Variants in ST18 observed in about 807,000 individuals in gnomAD.
The protein encoded by ST18 is ST18 C2H2C-type zinc finger transcription factor.
ST18 carries 50 observed loss-of-function variants against 110.0 expected under a neutral mutation model. The observed-to-expected ratio is 0.45, with a 90% confidence interval of 0.36 to 0.58. The LOEUF (loss-of-function observed/expected upper bound fraction) is 0.58. Among genes scored for constraint, ST18 ranks in the 20% least tolerant of loss-of-function variants. ST18 has a pLI of 0.00. For missense variants in ST18, 1,306 were observed against 1,280.1 expected (o/e 1.02, Z -0.31); for synonymous variants, 461 against 452.4 (o/e 1.02, Z -0.24).
intron 2 of ST18, among the ~76,000 whole-genome samples, chr8:52,354,411 C>T (rs1821767079): frequency 6.6e-6 from 1 of 152,052 alleles, no homozygotes; most frequent in African/African-American, 2.4e-5. Context: ...AGACAATTTC[C>T]TGAATAACTG....
At chr8:52,146,889 T>A (rs900093112) in intron 16 of ST18, among the ~76,000 whole-genome samples, 1 of 152,220 alleles carries the variant, frequency 6.6e-6, no homozygotes, top group Non-Finnish European at 1.5e-5. Flanking sequence ...CAGCCTCAGC[T>A]TTCCCAACCA....
intron 8 of ST18, among the ~76,000 whole-genome samples, chr8:52,184,206 G>A (rs947194264): frequency 2.6e-5 from 4 of 152,236 alleles, no homozygotes; most frequent in South Asian, 2.1e-4. Flanking sequence ...GGAAATAAAT[G>A]AGCTCTATTA....
In ST18 at chr8:52,159,040, G is replaced by T; in HGVS notation, c.1664C>A (p.Pro555His). The T allele has an allele frequency of 6.2e-7, 1 of 1,614,196 alleles. No individual in the cohort carries two copies. Among genetic ancestry groups the T allele is most frequent in the Non-Finnish European group, 8.5e-7 (1 of 1,180,034 alleles). The change falls in exon 15 of 26, where the codon CCT (proline) becomes CAT (histidine). Residue 555 changes from proline to histidine, a missense_variant. Coordinates refer to ENST00000689386, the MANE Select transcript of ST18 (RefSeq NM_001352837.2). ...GTAGCTATAAGAGCTGGCACGGCCA[G>T]GGCTCTGGGTGTGGGCGCCTGCACT... The part of the protein sequence containing the change: ...LPSAGAHTQS[P>H]GRASSYSYGQ...
At chr8:52,319,530 C>T (rs1204133362) in intron 2 of ST18, among the ~76,000 whole-genome samples, 1 of 152,102 alleles carries the variant, frequency 6.6e-6, no homozygotes, top group Admixed American at 6.5e-5. Context: ...GAAATATCTT[C>T]CTTTATAGTT....
chr8:52,207,182 G>A (rs1042076692), intron 8 of ST18, among the ~76,000 whole-genome samples: 1 of 152,180 alleles, frequency 6.6e-6, no homozygotes, highest in Non-Finnish European at 1.5e-5. Flanking sequence ...CTCATGAAAT[G>A]TTATTGTTAA....
At chr8:52,205,049 G>A (rs2079455203) in intron 8 of ST18, among the ~76,000 whole-genome samples, 2 of 151,756 alleles carry the variant, frequency 1.3e-5, no homozygotes, top group African/African-American at 4.8e-5. Flanking sequence ...AGACAAGCTG[G>A]AGAGTACTCT....
chr8:52,186,397 A>G (rs1422935498), intron 8 of ST18, among the ~76,000 whole-genome samples: 3 of 152,192 alleles, frequency 2.0e-5, no homozygotes, highest in Non-Finnish European at 4.4e-5. Flanking sequence ...GATGGCTAAA[A>G]TGAAAAGACC....
intron 2 of ST18, among the ~76,000 whole-genome samples, chr8:52,395,829 G>A (rs1840921341): frequency 6.6e-6 from 1 of 152,170 alleles, no homozygotes; most frequent in Admixed American, 6.5e-5. Context: ...CAAACTTGGT[G>A]GGATAGGCCA....
chr8:52,163,947 G>T, intron 13 of ST18, 39 bp downstream of exon 13: 1 of 1,526,676 alleles, frequency 6.6e-7, no homozygotes, highest in Non-Finnish European at 9.1e-7. Flanking sequence ...CAGGAGCCTG[G>T]ATGAAGAGAG....
chr8:52,398,781 C>T (rs1236561733), intron 2 of ST18, among the ~76,000 whole-genome samples: 2 of 152,000 alleles, frequency 1.3e-5, no homozygotes, highest in East Asian at 3.8e-4. Flanking sequence ...ACATGCACGC[C>T]AGCAATAAAC....
At chr8:52,349,875 G>A (rs1256626639) in intron 2 of ST18, among the ~76,000 whole-genome samples, 1 of 152,102 alleles carries the variant, frequency 6.6e-6, no homozygotes, top group Non-Finnish European at 1.5e-5. Context: ...AGAGTAGGGG[G>A]TCAGGGGGAA....
chr8:52,120,156 G>T (rs2130771147), intron 23 of ST18, among the ~76,000 whole-genome samples: 1 of 152,286 alleles, frequency 6.6e-6, no homozygotes, highest in Non-Finnish European at 1.5e-5. Context: ...CAGGTACAGG[G>T]ATCTCCTCTC....
intron 24 of ST18, among the ~76,000 whole-genome samples, chr8:52,117,227 G>A (rs2042889196): frequency 6.6e-6 from 1 of 152,046 alleles, no homozygotes; most frequent in Non-Finnish European, 1.5e-5. Flanking sequence ...CTCATGATGA[G>A]CACTTTTGCG....
At chr8:52,348,851 T>C (rs1275581347) in intron 2 of ST18, among the ~76,000 whole-genome samples, 2 of 152,188 alleles carry the variant, frequency 1.3e-5, no homozygotes, top group African/African-American at 4.8e-5. Flanking sequence ...TTAGATATAG[T>C]TATCATTTGT....
intron 2 of ST18, among the ~76,000 whole-genome samples, chr8:52,389,496 C>T (rs558257100): frequency 6.6e-6 from 1 of 152,292 alleles, no homozygotes; most frequent in African/African-American, 2.4e-5. Flanking sequence ...CTGAGCACAC[C>T]AGGGTCCTCC....
At chr8:52,192,018 G>T (rs1415075073) in intron 8 of ST18, among the ~76,000 whole-genome samples, 1 of 152,130 alleles carries the variant, frequency 6.6e-6, no homozygotes, top group East Asian at 1.9e-4. Context: ...GAACAACCTG[G>T]CCAGGTGGAG....
chr8:52,338,036 TC>T, intron 2 of ST18, among the ~76,000 whole-genome samples: 1 of 152,276 alleles, frequency 6.6e-6, no homozygotes, highest in African/African-American at 2.4e-5. Context: ...TTCAAGGACT[TC>T]CTTTTAAATT....
chr8:52,146,672 C>G (rs1020086677), intron 16 of ST18, among the ~76,000 whole-genome samples: 5 of 152,122 alleles, frequency 3.3e-5, no homozygotes, highest in Middle Eastern at 3.2e-3. Flanking sequence ...CCTCTGATAG[C>G]TTGTCAATGA....
At chr8:52,399,168 G>T (rs1842108709) in intron 2 of ST18, among the ~76,000 whole-genome samples, 3 of 151,824 alleles carry the variant, frequency 2.0e-5, no homozygotes, top group Non-Finnish European at 2.9e-5. Context: ...ATCTTGGTAG[G>T]TTATATTTTT....
Sources: allele counts gnomAD v4.1 joint callset (sites outside exome capture counted in the v4.1 genomes callset), GRCh38; gene constraint gnomAD v4.1.1; transcripts MANE v1.5; gene names NCBI Gene and HGNC (gene_info 2026-07-23, HGNC 2026-07-21).